CNTN4: variants seen among roughly 807,000 people sequenced by gnomAD.
The protein encoded by CNTN4 is contactin-4.
Under a neutral mutation model 122.5 loss-of-function variants are expected in CNTN4, and 77 were observed. The ratio of observed to expected loss-of-function variants is 0.63; its 90% CI spans 0.52 to 0.76. The LOEUF is 0.76. Ranked by LOEUF, CNTN4 falls within the 30% of genes least tolerant of loss-of-function variation. CNTN4 has a pLI of 0.00. For synonymous variants in CNTN4, 512 were observed against 447.0 expected (o/e 1.15, Z -1.83); for missense variants, 1,256 against 1,259.1 (o/e 1.00, Z 0.04).
intron 3 of CNTN4, among the ~76,000 whole-genome samples, chr3:2,349,855 G>T (rs62244024): frequency 6.6e-6 from 1 of 151,986 alleles, no homozygotes; most frequent in Admixed American, 6.6e-5. Context: ...AGAGAAATTG[G>T]AGAAGCTTAA....
At chr3:2,354,583 AG>A (rs1475948170) in intron 3 of CNTN4, among the ~76,000 whole-genome samples, 1 of 152,204 alleles carries the variant, frequency 6.6e-6, no homozygotes, top group Non-Finnish European at 1.5e-5. Flanking sequence ...TTACATAAGT[AG>A]GCTTCAAGAA....
At chr3:2,505,254 G>A (rs563373006) in intron 3 of CNTN4, among the ~76,000 whole-genome samples, 1 of 152,238 alleles carries the variant, frequency 6.6e-6, no homozygotes, top group South Asian at 2.1e-4. Flanking sequence ...AGAGAAGGAA[G>A]GAGGGAAGAT....
In CNTN4 at chr3:2,949,392, C is replaced by T. The variant is rs116104422; in HGVS notation, c.1358+23613C>T. Among the ~76,000 whole-genome samples, 1,464 of 152,246 alleles carry T rather than the reference C, an allele frequency of 9.6e-3. 24 individuals carry two copies. The highest frequency in any genetic ancestry group is 0.033 in the African/African-American group (1,362 of 41,528). Reference sequence around the variant, plus strand: ...TATGAAGTTTGTTTTTTCTGCCTAACGTCTAGTACTTCTTTGTCTGAAAGA... The same window carrying T: ...TATGAAGTTTGTTTTTTCTGCCTAATGTCTAGTACTTCTTTGTCTGAAAGA... On this transcript the variant is annotated intron_variant, in intron 13 of 24. Coordinates refer to ENST00000418658, the MANE Select transcript of CNTN4 (RefSeq NM_175607.3).
intron 2 of CNTN4, among the ~76,000 whole-genome samples, chr3:2,337,684 A>C (rs1338822449): frequency 6.6e-6 from 1 of 152,130 alleles, no homozygotes; most frequent in African/African-American, 2.4e-5. Context: ...ATTTTAATGA[A>C]TAAAATTAAG....
At chr3:2,487,982 G>C (rs2076210322) in intron 3 of CNTN4, among the ~76,000 whole-genome samples, 1 of 152,164 alleles carries the variant, frequency 6.6e-6, no homozygotes, top group South Asian at 2.1e-4. Context: ...ACCTGTGGCT[G>C]ATCAACACAG....
chr3:2,479,188 T>C (rs1364832708), intron 3 of CNTN4, among the ~76,000 whole-genome samples: 1 of 152,216 alleles, frequency 6.6e-6, no homozygotes, highest in African/African-American at 2.4e-5. Flanking sequence ...TTTGCTTTTT[T>C]AAGAGAAAAA....
chr3:2,916,460 C>T (rs1206880475), intron 12 of CNTN4, among the ~76,000 whole-genome samples: 1 of 149,686 alleles, frequency 6.7e-6, no homozygotes, highest in South Asian at 2.2e-4. Flanking sequence ...TTGCACCGCC[C>T]TTAATCCATT....
At chr3:2,654,189 C>A (rs894575451) in intron 4 of CNTN4, among the ~76,000 whole-genome samples, 1 of 152,172 alleles carries the variant, frequency 6.6e-6, no homozygotes, top group Admixed American at 6.5e-5. Flanking sequence ...CAAGTGGGGT[C>A]TGGAAATACC....
intron 3 of CNTN4, among the ~76,000 whole-genome samples, chr3:2,566,060 G>T (rs1030098493): frequency 3.9e-5 from 6 of 152,198 alleles, no homozygotes; most frequent in Non-Finnish European, 8.8e-5. Context: ...CAAAGTCTCA[G>T]CTCTGAAACC....
At chr3:2,860,914 T>G (rs1010228156) in intron 7 of CNTN4, among the ~76,000 whole-genome samples, 2 of 152,214 alleles carry the variant, frequency 1.3e-5, no homozygotes, top group African/African-American at 4.8e-5. Flanking sequence ...TATTTAATTC[T>G]TGCAGTTCCT....
At chr3:2,208,008 A>G (rs2038440670) in intron 2 of CNTN4, among the ~76,000 whole-genome samples, 1 of 152,248 alleles carries the variant, frequency 6.6e-6, no homozygotes, top group Non-Finnish European at 1.5e-5. Context: ...ATGGAGATAG[A>G]CAAGATTGAT....
intron 14 of CNTN4, among the ~76,000 whole-genome samples, chr3:2,994,550 C>A (rs1695344799): frequency 6.7e-6 from 1 of 150,146 alleles, no homozygotes; most frequent in African/African-American, 2.5e-5. Flanking sequence ...GCTCATTGTT[C>A]ACCCCATAGA....
chr3:2,104,169 CT>C (rs957131604), intron 2 of CNTN4, among the ~76,000 whole-genome samples: 52 of 151,310 alleles, frequency 3.4e-4, no homozygotes, highest in African/African-American at 1.1e-3. Context: ...GAGAATTTTG[CT>C]TTTTTTTCTG....
intron 13 of CNTN4, among the ~76,000 whole-genome samples, chr3:2,944,403 C>T (rs1448354193): frequency 2.0e-5 from 3 of 152,074 alleles, no homozygotes; most frequent in Non-Finnish European, 2.9e-5. Flanking sequence ...ACTGGCTCCT[C>T]CTCCATGTGA....
At chr3:2,932,038 C>T (rs747758848) in intron 13 of CNTN4, among the ~76,000 whole-genome samples, 6 of 151,216 alleles carry the variant, frequency 4.0e-5, no homozygotes, top group Non-Finnish European at 8.9e-5. Context: ...CATGTGCGTG[C>T]ATGTGTGTGT....
intron 4 of CNTN4, among the ~76,000 whole-genome samples, chr3:2,687,853 G>C (rs2728021): frequency 0.36 from 55,309 of 151,964 alleles, 12,046 homozygotes; most frequent in African/African-American, 0.6. Context: ...TTTTACAAAT[G>C]GAGAGAATGA....
intron 12 of CNTN4, among the ~76,000 whole-genome samples, chr3:2,906,903 C>T (rs527468244): frequency 6.6e-6 from 1 of 151,464 alleles, no homozygotes; most frequent in South Asian, 2.1e-4. Context: ...TCATTAAGGA[C>T]CAATTTTGGA....
At chr3:2,475,039 C>T (rs545870461) in intron 3 of CNTN4, among the ~76,000 whole-genome samples, 43 of 152,188 alleles carry the variant, frequency 2.8e-4, no homozygotes, top group African/African-American at 8.4e-4. Flanking sequence ...AGGTATTTTA[C>T]CTTAAGCTGA....
At chr3:2,463,506 T>C (rs2075388928) in intron 3 of CNTN4, among the ~76,000 whole-genome samples, 1 of 152,210 alleles carries the variant, frequency 6.6e-6, no homozygotes, top group South Asian at 2.1e-4. Flanking sequence ...ACGCCTGTAA[T>C]CCCAGCACTT....
Sources: allele counts gnomAD v4.1 joint callset (sites outside exome capture counted in the v4.1 genomes callset), GRCh38; gene constraint gnomAD v4.1.1; transcripts MANE v1.5; gene names NCBI Gene and HGNC (gene_info 2026-07-23, HGNC 2026-07-21).